The following LYST variants were observed in gnomAD, a reference collection of about 807,000 sequenced individuals.
LYST encodes lysosomal trafficking regulator.
In LYST, 192 loss-of-function variants were observed where a neutral mutation model predicts 413.6. That is an observed-to-expected ratio of 0.46 (90% CI 0.41 to 0.52). LYST has a LOEUF of 0.52. Ranked by LOEUF, LYST falls within the 20% of genes least tolerant of loss-of-function variation. The probability of loss-of-function intolerance (pLI) is 0.00; values close to 1 mark genes in which losing one functional copy is unlikely to be tolerated. For synonymous variants in LYST, 1,525 were observed against 1,567.3 expected, an observed-to-expected ratio of 0.97 and a Z score of 0.64; for missense variants, 3,815 against 4,499.9, an observed-to-expected ratio of 0.85 and a Z score of 4.35.
chr1:235,772,496 G>A (rs1224005535), intron 19 of LYST, among the ~76,000 whole-genome samples: 1 of 151,968 alleles, frequency 6.6e-6, no homozygotes, highest in African/African-American at 2.4e-5. Context: ...TAAGAAGGCT[G>A]TATGAGCCTA....
At chr1:235,750,801 C>T (rs1388438974) in intron 28 of LYST, among the ~76,000 whole-genome samples, 2 of 152,210 alleles carry the variant, frequency 1.3e-5, no homozygotes, top group Non-Finnish European at 2.9e-5. Context: ...TTTATCAGTT[C>T]TAGCATTAAT....
chr1:235,746,578 A>G (rs1443705353), intron 28 of LYST, 51 bp from the exon 29 acceptor site: 2 of 1,407,558 alleles, frequency 1.4e-6, no homozygotes, highest in East Asian at 2.4e-5. Context: ...AATAAGGATC[A>G]AGGAAACTAT....
rs988952927 is a variant in LYST, at chr1:235,807,998, T to C, written c.2363+457A>G. ...CCCATAAGATATTATAATCATTTTC[T>C]CATATTCCAATATGATCTTTGTAAA... On this transcript the variant is annotated intron_variant, in intron 5 of 52. Coordinates refer to ENST00000389793, the MANE Select transcript of LYST (RefSeq NM_000081.4). Among the ~76,000 whole-genome samples the C allele has an allele frequency of 4.6e-5, 7 of 152,222 alleles. 1 individual carries two copies. Among genetic ancestry groups the C allele is most frequent in the African/African-American group, 1.7e-4 (7 of 41,454 alleles).
chr1:235,715,477 C>T, intron 41 of LYST, 120 bp from the exon 42 acceptor site: 1 of 908,084 alleles, frequency 1.1e-6, no homozygotes, highest in Non-Finnish European at 1.7e-6. Context: ...TTCTCCATGG[C>T]TGGCCCTCCC....
intron 16 of LYST, among the ~76,000 whole-genome samples, chr1:235,780,524 G>A (rs536309430): frequency 6.6e-6 from 1 of 151,996 alleles, no homozygotes; most frequent in South Asian, 2.1e-4. Flanking sequence ...AATATAATGA[G>A]CAACATTTTT....
rs536974092 is a variant in LYST, at chr1:235,788,105, T to TA, written c.4688+595dup. ...TAGCATAAGACTTCAGTATTTGATC[T>TA]AAAATCAAACAGAGAATTAATGTAT... On this transcript the variant is annotated intron_variant, in intron 13 of 52. Coordinates refer to ENST00000389793, the MANE Select transcript of LYST (RefSeq NM_000081.4). Among the ~76,000 whole-genome samples, 17 of 152,310 alleles carry TA rather than the reference T, an allele frequency of 1.1e-4. No individual in the cohort carries two copies. The South Asian group carries it at 3.1e-3, about 28-fold the overall frequency.
At chr1:235,677,441 TA>T in intron 49 of LYST, 38 bp downstream of exon 49, 1 of 1,604,954 alleles carries the variant, frequency 6.2e-7, no homozygotes, top group Non-Finnish European at 8.5e-7. Flanking sequence ...ATGGATATAT[TA>T]AAAATGCTAT....
At chr1:235,776,790 C>T (rs1166247059) in intron 17 of LYST, among the ~76,000 whole-genome samples, 3 of 151,492 alleles carry the variant, frequency 2.0e-5, no homozygotes, top group Non-Finnish European at 4.4e-5. Flanking sequence ...TAAAAATATC[C>T]TCCTCTCAAT....
chr1:235,806,456 G>A lies in LYST; in HGVS notation c.2680C>T (p.His894Tyr), dbSNP rs761500756. The change falls in exon 6 of 53, where the codon CAT becomes TAT. Residue 894 changes from histidine to tyrosine, a missense_variant. Coordinates refer to ENST00000389793, the MANE Select transcript of LYST (RefSeq NM_000081.4). ...KRRKTVNQDV[H>Y]INTINLFLCV... ...AGGAATAGGTTTATTGTGTTGATAT[G>A]AACATCTTGGTTAACAGTCTTCCGT... The A allele has an allele frequency of 6.2e-7, 1 of 1,614,034 alleles. No homozygotes were observed. Among genetic ancestry groups the A allele is most frequent in the Non-Finnish European group, 8.5e-7 (1 of 1,179,972 alleles).
At chr1:235,864,178 C>T (rs1680223678) in intron 1 of LYST, among the ~76,000 whole-genome samples, 1 of 152,110 alleles carries the variant, frequency 6.6e-6, no homozygotes, top group Admixed American at 6.5e-5. Context: ...GGAGTTGAGC[C>T]CAGTCTCCCT....
At chr1:235,710,629 G>A (rs545703978) in intron 43 of LYST, among the ~76,000 whole-genome samples, 2 of 152,278 alleles carry the variant, frequency 1.3e-5, no homozygotes, top group Non-Finnish European at 2.9e-5. Context: ...TTCCTGTCTT[G>A]CATGCCCTTC....
chr1:235,845,709 G>A (rs1677765366), intron 1 of LYST, among the ~76,000 whole-genome samples: 1 of 152,186 alleles, frequency 6.6e-6, no homozygotes, highest in South Asian at 2.1e-4. Flanking sequence ...GGCTCCGACT[G>A]CTGGCTTTCC....
At chr1:235,830,092 T>A in intron 3 of LYST, 134 bp downstream of exon 3, 1 of 670,312 alleles carries the variant, frequency 1.5e-6, no homozygotes, top group Non-Finnish European at 2.6e-6. Flanking sequence ...AGGTCCACTT[T>A]TTTTTTAGTG....
intron 47 of LYST, among the ~76,000 whole-genome samples, chr1:235,692,771 AG>A (rs1660766427): frequency 6.6e-6 from 1 of 152,100 alleles, no homozygotes; most frequent in Admixed American, 6.5e-5. Flanking sequence ...CTGTAATCCC[AG>A]CACTCTGGGA....
intron 50 of LYST, among the ~76,000 whole-genome samples, chr1:235,668,982 A>G (rs953280267): frequency 2.0e-5 from 3 of 152,236 alleles, no homozygotes; most frequent in South Asian, 2.1e-4. Context: ...TCATGACTGA[A>G]GATATTACTT....
At chr1:235,862,517 C>G (rs946321057) in intron 1 of LYST, among the ~76,000 whole-genome samples, 12 of 152,258 alleles carry the variant, frequency 7.9e-5, no homozygotes, top group African/African-American at 2.9e-4. Context: ...TCCCCAAGGC[C>G]GGGTGCGGTG....
At chr1:235,788,220 C>T (rs935014310) in intron 13 of LYST, among the ~76,000 whole-genome samples, 10 of 152,102 alleles carry the variant, frequency 6.6e-5, no homozygotes, top group Admixed American at 3.3e-4. Context: ...AGTGCAGTGG[C>T]GCGATCTGGG....
intron 1 of LYST, among the ~76,000 whole-genome samples, chr1:235,838,546 G>C (rs1676827068): frequency 6.6e-6 from 1 of 152,032 alleles, no homozygotes; most frequent in Admixed American, 6.5e-5. Flanking sequence ...ATGATCTCTA[G>C]AGTCTTTTGT....
chr1:235,799,510 TTC>T (rs1671954640), intron 10 of LYST, among the ~76,000 whole-genome samples: 1 of 152,186 alleles, frequency 6.6e-6, no homozygotes. Flanking sequence ...CCAATATCAC[TTC>T]TGAGTATTCC....
Sources: gnomAD v4.1 joint callset for allele counts (sites outside exome capture counted in the v4.1 genomes callset) on GRCh38, gnomAD v4.1.1 for gene constraint, MANE v1.5 for transcripts, NCBI Gene and HGNC (gene_info 2026-07-23, HGNC 2026-07-21) for gene names.